The following TTC28 variants were observed in gnomAD, a reference collection of about 807,000 sequenced individuals.
TTC28 encodes tetratricopeptide repeat domain 28, also known as tetratricopeptide repeat protein 28.
In TTC28, 61 loss-of-function variants were observed where a neutral mutation model predicts 198.0. That is an observed-to-expected ratio of 0.31 (90% confidence interval 0.25 to 0.38). The LOEUF is 0.38. TTC28 is among the 10% of genes least tolerant of loss of function. The pLI, the probability that TTC28 is intolerant of heterozygous loss-of-function variation, is 1.00. For synonymous variants in TTC28, 1,171 were observed against 1,297.8 expected, an observed-to-expected ratio of 0.90 and a Z score of 2.10; for missense variants, 2,678 against 3,164.0, an observed-to-expected ratio of 0.85 and a Z score of 3.69.
intron 5 of TTC28, among the ~76,000 whole-genome samples, chr22:28,278,370 G>C (rs902146885): frequency 2.0e-5 from 3 of 152,082 alleles, no homozygotes; most frequent in Non-Finnish European, 2.9e-5. Flanking sequence ...AAATGACTAG[G>C]ATCCAGTTAA....
At chr22:28,457,147 C>T (rs2047874894) in intron 2 of TTC28, among the ~76,000 whole-genome samples, 1 of 152,128 alleles carries the variant, frequency 6.6e-6, no homozygotes, top group Admixed American at 6.5e-5. Flanking sequence ...AACACCACGG[C>T]CCTTGCAGTG....
At chr22:28,050,006 A>AT (rs1940023835) in intron 12 of TTC28, among the ~76,000 whole-genome samples, 1 of 152,120 alleles carries the variant, frequency 6.6e-6, no homozygotes, top group African/African-American at 2.4e-5. Context: ...GCTGAAGTCA[A>AT]TTACTGAGTG....
intron 1 of TTC28, among the ~76,000 whole-genome samples, chr22:28,652,232 GTTATT>G (rs1488036700): frequency 6.6e-6 from 1 of 152,198 alleles, no homozygotes; most frequent in Non-Finnish European, 1.5e-5. Flanking sequence ...ATGTGAAAAA[GTTATT>G]TTATTTACCC....
At chr22:28,429,050 T>C (rs1027343844) in intron 2 of TTC28, among the ~76,000 whole-genome samples, 2 of 152,220 alleles carry the variant, frequency 1.3e-5, no homozygotes, top group Non-Finnish European at 2.9e-5. Flanking sequence ...ATCATTAGTG[T>C]TACTCAATTT....
chr22:28,562,599 C>T (rs747088674), intron 2 of TTC28, among the ~76,000 whole-genome samples: 1 of 152,012 alleles, frequency 6.6e-6, no homozygotes, highest in Non-Finnish European at 1.5e-5. Context: ...TATCTAAGCA[C>T]CTTGTACTGG....
intron 1 of TTC28, 130 bp from the exon 2 acceptor site, chr22:28,629,960 T>C: frequency 1.3e-6 from 1 of 775,230 alleles, no homozygotes; most frequent in Non-Finnish European, 2.0e-6. Context: ...AGGTGGGGCC[T>C]AATGGGAGGT....
intron 6 of TTC28, among the ~76,000 whole-genome samples, chr22:28,136,525 A>G (rs554633162): frequency 1.3e-5 from 2 of 152,262 alleles, no homozygotes; most frequent in Admixed American, 1.3e-4. Flanking sequence ...ACTGGCCTAC[A>G]CTTGGAGCAG....
At position 28,670,704 on chromosome 22, in the gene TTC28, C is replaced by CATATATATATATATATATATATATATAT. The variant is rs146059811; in HGVS notation, c.102+8917_102+8918insATATATATATATATATATATATATATAT. Among the ~76,000 whole-genome samples, 80 of 128,536 alleles carry CATATATATATATATATATATATATATAT rather than the reference C, an allele frequency of 6.2e-4. 2 individuals carry two copies. The highest frequency in any genetic ancestry group is 3.8e-3 in the Middle Eastern group (1 of 260). The allele number at this position is 128,536 out of a possible 152,430, so 84.3% of individuals were successfully genotyped here. ...AACAATTGTTTTGATGTCTTTAGGG[C>CATATATATATATATATATATATATATAT]ATATATATATATATATATATGAGTG... On this transcript the variant is annotated intron_variant, in intron 1 of 22. Coordinates refer to ENST00000397906, the MANE Select transcript of TTC28 (RefSeq NM_001145418.2).
At position 28,308,841 on chromosome 22, in the gene TTC28, C is replaced by T. The variant is rs544765808; in HGVS notation, c.382-2198G>A. Among the ~76,000 whole-genome samples the T allele has an allele frequency of 2.3e-3, 344 of 152,270 alleles. 2 individuals carry two copies. Among genetic ancestry groups the T allele is most frequent in the Non-Finnish European group, 3.0e-3 (203 of 68,018 alleles). On this transcript the variant is annotated intron_variant, in intron 2 of 22. Coordinates refer to ENST00000397906, the MANE Select transcript of TTC28 (RefSeq NM_001145418.2). ...GTCTTCCCTTATGCCCTTCCAGAGT[C>T]CCTAATCCAACTTTATAAGATTTAC...
At chr22:28,646,628 G>T (rs577614154) in intron 1 of TTC28, among the ~76,000 whole-genome samples, 3 of 152,180 alleles carry the variant, frequency 2.0e-5, no homozygotes, top group Non-Finnish European at 4.4e-5. Flanking sequence ...ACTCTGGGAG[G>T]CTGAGATGGG....
chr22:28,062,398 T>C (rs961181564), intron 12 of TTC28, among the ~76,000 whole-genome samples: 1 of 146,686 alleles, frequency 6.8e-6, no homozygotes, highest in Non-Finnish European at 1.5e-5. Context: ...GCCCTGTGGA[T>C]TGTTTTTAAC....
chr22:28,574,553 G>A (rs184933788), intron 2 of TTC28, among the ~76,000 whole-genome samples: 1 of 152,246 alleles, frequency 6.6e-6, no homozygotes, highest in Non-Finnish European at 1.5e-5. Flanking sequence ...CAATGGCATT[G>A]CTATATCATA....
intron 12 of TTC28, among the ~76,000 whole-genome samples, chr22:28,058,404 C>A (rs965287623): frequency 2.0e-5 from 3 of 151,964 alleles, no homozygotes; most frequent in African/African-American, 7.3e-5. Flanking sequence ...GACATCTTAA[C>A]AATGTTGAGT....
intron 1 of TTC28, among the ~76,000 whole-genome samples, chr22:28,656,230 T>TG (rs1298677589): frequency 6.6e-6 from 1 of 152,170 alleles, no homozygotes; most frequent in African/African-American, 2.4e-5. Context: ...CCAAGGAGCC[T>TG]GGGACTCTAG....
At chr22:28,346,167 G>A (rs1000397129) in intron 2 of TTC28, among the ~76,000 whole-genome samples, 1 of 152,100 alleles carries the variant, frequency 6.6e-6, no homozygotes, top group Non-Finnish European at 1.5e-5. Flanking sequence ...TAAATAAATT[G>A]CCCAAGGCCA....
chr22:28,482,857 T>C (rs2048270596), intron 2 of TTC28, among the ~76,000 whole-genome samples: 2 of 152,202 alleles, frequency 1.3e-5, no homozygotes, highest in African/African-American at 2.4e-5. Context: ...TTCTTTCACT[T>C]AGCAAGATGT....
rs754700795 is a variant in TTC28 at position 28,243,174 on chromosome 22, C to CAAAAAAAAAAAAAAAAAAAAAA, written c.933+53002_933+53023dup. On this transcript the variant is annotated intron_variant, in intron 5 of 22. Coordinates refer to ENST00000397906, the MANE Select transcript of TTC28 (RefSeq NM_001145418.2). ...GCAACCTGGCAAAACCCCCTCTCTA[C>CAAAAAAAAAAAAAAAAAAAAAA]AAAAAAAAAAAAAAAAAAAAAAAAA... 3.4e-4 allele frequency among the ~76,000 whole-genome samples: 23 copies of CAAAAAAAAAAAAAAAAAAAAAA among 68,334 alleles called. 3 individuals carry two copies. Among genetic ancestry groups the CAAAAAAAAAAAAAAAAAAAAAA allele is most frequent in the South Asian group, 6.1e-4 (1 of 1,650 alleles). The allele number at this position is 68,334 out of a possible 152,430, so 44.8% of individuals were successfully genotyped here.
intron 2 of TTC28, among the ~76,000 whole-genome samples, chr22:28,377,049 C>A (rs9306456): frequency 1.3e-4 from 20 of 150,802 alleles, no homozygotes; most frequent in Non-Finnish European, 2.7e-4. Context: ...GTAACAGATT[C>A]TAAAGTTAAA....
intron 1 of TTC28, among the ~76,000 whole-genome samples, chr22:28,636,850 C>A (rs2051281208): frequency 6.6e-6 from 1 of 151,764 alleles, no homozygotes; most frequent in Admixed American, 6.6e-5. Context: ...TGACTGTTTC[C>A]TTTTTTGTGG....
Sources: allele counts gnomAD v4.1 joint callset (sites outside exome capture counted in the v4.1 genomes callset), GRCh38; gene constraint gnomAD v4.1.1; transcripts MANE v1.5; gene names NCBI Gene and HGNC (gene_info 2026-07-23, HGNC 2026-07-21).